A1CF: variants seen among roughly 807,000 people sequenced by gnomAD.
The protein encoded by A1CF is APOBEC-1 stimulating protein.
A1CF carries 48 observed loss-of-function variants against 68.9 expected under a neutral mutation model. That is an observed-to-expected ratio of 0.70 (90% CI 0.55 to 0.89). A1CF has a LOEUF of 0.89. Among genes scored for constraint, A1CF ranks in the 40% least tolerant of loss-of-function variants. The pLI is 0.00. For missense variants in A1CF, 653 were observed against 718.9 expected (o/e 0.91, Z 1.05); for synonymous variants, 272 against 260.4 (o/e 1.04, Z -0.43).
chr10:50,878,395 C>A (rs1215612924), intron 1 of A1CF, among the ~76,000 whole-genome samples: 1 of 152,188 alleles, frequency 6.6e-6, no homozygotes, highest in Non-Finnish European at 1.5e-5. Context: ...AAGCACTTTA[C>A]AATTTCTGAT....
chr10:50,870,085 A>C (rs1005529824), intron 1 of A1CF, among the ~76,000 whole-genome samples: 1 of 151,926 alleles, frequency 6.6e-6, no homozygotes, highest in Non-Finnish European at 1.5e-5. Flanking sequence ...ATCCATTTAT[A>C]TAATTTGTAA....
chr10:50,866,042 G>C (rs568094228), intron 1 of A1CF, among the ~76,000 whole-genome samples: 11 of 152,316 alleles, frequency 7.2e-5, no homozygotes, highest in South Asian at 6.2e-4. Flanking sequence ...ATAAATTACA[G>C]AGACTTGCAG....
At chr10:50,871,124 C>T (rs1316278561) in intron 1 of A1CF, among the ~76,000 whole-genome samples, 2 of 151,636 alleles carry the variant, frequency 1.3e-5, no homozygotes, top group Middle Eastern at 3.5e-3. Context: ...ATGAAACAAA[C>T]ATTATACTTA....
At chr10:50,860,176 G>C (rs1320686193) in intron 2 of A1CF, among the ~76,000 whole-genome samples, 191 bp from the exon 3 acceptor site, 1 of 151,598 alleles carries the variant, frequency 6.6e-6, no homozygotes, top group Non-Finnish European at 1.5e-5. Context: ...GCACAATATT[G>C]GTTGAAATTT....
chr10:50,843,638 T>A (rs907650213), intron 4 of A1CF, among the ~76,000 whole-genome samples: 29 of 152,332 alleles, frequency 1.9e-4, no homozygotes, highest in African/African-American at 7.0e-4. Context: ...TAAAACTGTA[T>A]TAAAATTTCA....
At chr10:50,822,231 T>C (rs1188104052) in intron 7 of A1CF, among the ~76,000 whole-genome samples, 1 of 152,176 alleles carries the variant, frequency 6.6e-6, no homozygotes, top group Non-Finnish European at 1.5e-5. Flanking sequence ...TTTTAAAATG[T>C]TTTTCCTTAC....
chr10:50,825,479 A>G lies in A1CF; in HGVS notation c.769+2652T>C, dbSNP rs78714858. ...AAGGCAAAAGACTTTGATAAGTTCCATAATGAAGAAATTCATTTAATTTTG... is the reference window on the plus strand; with the variant it reads ...AAGGCAAAAGACTTTGATAAGTTCCGTAATGAAGAAATTCATTTAATTTTG... On this transcript the variant is annotated intron_variant, in intron 7 of 12. Coordinates refer to ENST00000373997, the MANE Select transcript of A1CF (RefSeq NM_014576.4). Among the ~76,000 whole-genome samples the G allele has an allele frequency of 5.4e-3, 817 of 152,316 alleles. 9 individuals are homozygous for G. The highest frequency in any genetic ancestry group is 0.019 in the African/African-American group (803 of 41,576).
intron 3 of A1CF, among the ~76,000 whole-genome samples, chr10:50,854,978 T>C (rs1840411675): frequency 6.6e-6 from 1 of 151,884 alleles, no homozygotes; most frequent in South Asian, 2.1e-4. Context: ...ATGAGTCTAT[T>C]TTTAAAAAAT....
intron 2 of A1CF, 22 bp from the exon 3 acceptor site, chr10:50,860,007 A>G (rs1421348720): frequency 1.6e-6 from 2 of 1,239,370 alleles, no homozygotes; most frequent in Non-Finnish European, 1.2e-6. Context: ...TTTAAGATAA[A>G]TTAAGTAAAT....
chr10:50,852,576 C>T (rs112982626), intron 3 of A1CF, among the ~76,000 whole-genome samples: 5 of 152,078 alleles, frequency 3.3e-5, no homozygotes, highest in South Asian at 2.1e-4. Flanking sequence ...AATTGGTATC[C>T]GTGCACTTGG....
chr10:50,838,476 A>C (rs1839625053), intron 5 of A1CF, among the ~76,000 whole-genome samples: 1 of 152,184 alleles, frequency 6.6e-6, no homozygotes, highest in African/African-American at 2.4e-5. Flanking sequence ...GGGGCTGGTC[A>C]TATATCAGTT....
intron 10 of A1CF, 96 bp from the exon 11 acceptor site, chr10:50,811,272 G>T (rs970405519): frequency 2.4e-6 from 3 of 1,254,706 alleles, no homozygotes. Flanking sequence ...CAGAGTTCAA[G>T]CTAGTATCTG....
chr10:50,806,836 G>A lies in A1CF; in HGVS notation c.1654C>T (p.Leu552Phe). Residue 552 changes from leucine (L) to phenylalanine (F), a missense_variant, in exon 13 of 13, where the codon CTC (leucine) becomes TTC (phenylalanine). Leu to Phe is a conservative substitution (Grantham distance 22). Coordinates refer to ENST00000373997, the MANE Select transcript of A1CF (RefSeq NM_014576.4). ...NATAPVSAAQ[L>F]KQAVTLGQDL... ...TGTCCAAGGGTTACCGCTTGCTTGA[G>A]CTGGGCTGCAGACACGGGTGCAGTT... 6.2e-7 allele frequency: 1 copy of A among 1,613,582 alleles called. No homozygotes were observed. The highest frequency in any genetic ancestry group is 2.2e-5 in the East Asian group (1 of 44,842).
chr10:50,878,919 CT>C (rs1441681344), intron 1 of A1CF, among the ~76,000 whole-genome samples: 1 of 152,126 alleles, frequency 6.6e-6, no homozygotes, highest in Non-Finnish European at 1.5e-5. Context: ...AGACAAATAC[CT>C]GCTACTCAAG....
chr10:50,822,587 T>C (rs565615343), intron 7 of A1CF: 43 of 152,328 alleles, frequency 2.8e-4, no homozygotes, highest in Middle Eastern at 6.8e-3. Flanking sequence ...GATACTTCTC[T>C]TTTCACTCCC....
chr10:50,811,468 G>A, intron 10 of A1CF, among the ~76,000 whole-genome samples: 1 of 152,010 alleles, frequency 6.6e-6, no homozygotes, highest in East Asian at 1.9e-4. Context: ...GATTTGTTTG[G>A]AATATTTGTT....
At chr10:50,875,047 C>A (rs1841445735) in intron 1 of A1CF, among the ~76,000 whole-genome samples, 1 of 152,058 alleles carries the variant, frequency 6.6e-6, no homozygotes, top group African/African-American at 2.4e-5. Flanking sequence ...CGTGACAGGT[C>A]AAACAAAACA....
At chr10:50,834,616 T>C (rs1256044756) in intron 6 of A1CF, among the ~76,000 whole-genome samples, 2 of 152,194 alleles carry the variant, frequency 1.3e-5, no homozygotes, top group African/African-American at 2.4e-5. Flanking sequence ...CAAGGAGTTA[T>C]GAATATTTTT....
Position 50,836,127 on chromosome 10 carries a change from A to G in A1CF, c.551T>C (p.Val184Ala), listed in dbSNP as rs1329139864. The G allele has an allele frequency of 1.2e-6, 2 of 1,613,820 alleles. No individual in the cohort carries two copies. Among genetic ancestry groups the G allele is most frequent in the Non-Finnish European group, 1.7e-6 (2 of 1,179,892 alleles). ...DKTKNRGFAF[V>A]EYESHRAAAM... ...AGCTGCTCGATGACTCTCATACTCCACGAAGGCAAAGCCTCGGTTTTTGGT... is the reference window on the plus strand; with the variant it reads ...AGCTGCTCGATGACTCTCATACTCCGCGAAGGCAAAGCCTCGGTTTTTGGT... The change falls in exon 6 of 13, where the codon GTG (valine) becomes GCG (alanine). Residue 184 changes from valine (V) to alanine (A), a missense_variant. Val to Ala is a moderately conservative substitution (Grantham distance 64). Coordinates refer to ENST00000373997, the MANE Select transcript of A1CF (RefSeq NM_014576.4).
Sources: allele counts gnomAD v4.1 joint callset (sites outside exome capture counted in the v4.1 genomes callset), GRCh38; gene constraint gnomAD v4.1.1; transcripts MANE v1.5; gene names NCBI Gene and HGNC (gene_info 2026-07-23, HGNC 2026-07-21).